The following SBNO2 variants were observed in gnomAD, a reference collection of about 807,000 sequenced individuals.
The protein encoded by SBNO2 is strawberry notch homolog 2.
Under a neutral mutation model 146.3 loss-of-function variants are expected in SBNO2, and 89 were observed. The observed-to-expected ratio is 0.61, with a 90% confidence interval of 0.51 to 0.73. The LOEUF (loss-of-function observed/expected upper bound fraction) is 0.73. Among genes scored for constraint, SBNO2 ranks in the 30% least tolerant of loss-of-function variants. SBNO2 has a pLI of 0.00. For missense variants in SBNO2, 2,092 were observed against 2,003.7 expected (o/e 1.04, Z -0.84); for synonymous variants, 1,147 against 892.6 (o/e 1.29, Z -5.08).
At position 1,120,015 on chromosome 19, in the gene SBNO2, G is replaced by C. The variant is rs750621672; in HGVS notation, c.1158C>G (p.Phe386Leu). The change falls in exon 12 of 32, where the codon TTC becomes TTG. Residue 386 changes from phenylalanine to leucine, a missense_variant. By Grantham distance (22) the Phe-to-Leu change is conservative. Coordinates refer to ENST00000361757, the MANE Select transcript of SBNO2 (RefSeq NM_014963.3). ...CATTCTTGGCTTTGTGACACTCGTC[G>C]AACACGATCTGAGGCACACGTGGGT... The part of the protein sequence containing the change: ...CGEAFEGVIV[F>L]DECHKAKNAG... 2 of 1,550,910 alleles carry C rather than the reference G, an allele frequency of 1.3e-6. No individual in the cohort carries two copies. Among genetic ancestry groups the C allele is most frequent in the African/African-American group, 2.7e-5 (2 of 73,060 alleles).
chr19:1,120,149 G>C (rs1420477895), intron 11 of SBNO2, 126 bp from the exon 12 acceptor site: 3 of 744,108 alleles, frequency 4.0e-6, no homozygotes, highest in Non-Finnish European at 2.2e-6. Flanking sequence ...AGAACTCCAC[G>C]AGGGAAGCCC....
chr19:1,127,734 A>G lies in SBNO2; in HGVS notation c.311T>C (p.Ile104Thr). ...GTCCACGGACGAGGAGAAGATGGAG[A>G]TGTTGGAGAAGTCCTCAAAATAGGA... The part of the protein sequence containing the change: ...DSSYFEDFSN[I>T]SIFSSSVDSL... Residue 104 changes from isoleucine to threonine, a missense_variant, in exon 5 of 32, where the codon ATC (isoleucine) becomes ACC (threonine). Transcript: ENST00000361757. 6.2e-7 allele frequency: 1 copy of G among 1,613,544 alleles called. No homozygotes were observed. The highest frequency in any genetic ancestry group is 8.5e-7 in the Non-Finnish European group (1 of 1,179,824).
rs983361055 is a variant in SBNO2 at position 1,150,519 on chromosome 19, C to T, written c.94-1077G>A. Among the ~76,000 whole-genome samples, 52 of 151,432 alleles carry T rather than the reference C, an allele frequency of 3.4e-4. No individual in the cohort carries two copies. Among genetic ancestry groups the T allele is most frequent in the African/African-American group, 6.6e-4 (27 of 41,200 alleles). ...ACGGGGGAGACCCTGCCGTCACGGA[C>T]GCCCCCACGGTCACGGGGGAGACCC... On this transcript the variant is annotated intron_variant, in intron 2 of 31. Coordinates refer to ENST00000361757, the MANE Select transcript of SBNO2 (RefSeq NM_014963.3). The surrounding 1 kb of genome is among the most constrained non-coding windows in gnomAD (Gnocchi z 6.2).
intron 1 of SBNO2, among the ~76,000 whole-genome samples, chr19:1,161,693 C>G (rs2080346673): frequency 6.6e-6 from 1 of 151,972 alleles, no homozygotes; most frequent in Non-Finnish European, 1.5e-5. Flanking sequence ...ACTACGCTTT[C>G]TACCTCTCCT....
chr19:1,166,138 CCCCAGACCCCAGAT>C (rs1269391988), intron 1 of SBNO2, among the ~76,000 whole-genome samples: 1 of 62,888 alleles, frequency 1.6e-5, no homozygotes, highest in Non-Finnish European at 3.4e-5. Flanking sequence ...GACTTCAGAT[CCCCAGACCCCAGAT>C]CCCAGACTTC....
rs768446347 is a variant in SBNO2, at chr19:1,117,468, G to A, written c.1559C>T (p.Ala520Val). Residue 520 changes from alanine to valine, a missense_variant, in exon 15 of 32, where the codon GCG (alanine) becomes GTG (valine). Ala to Val is a moderately conservative substitution (Grantham distance 64). Coordinates refer to ENST00000361757, the MANE Select transcript of SBNO2 (RefSeq NM_014963.3). Reference sequence around the variant, plus strand: ...CGACTCCAGGCCGATCCAGTCGGCCGCCTGCTGGAACACGTTCAGGGCCTC... The same window carrying A: ...CGACTCCAGGCCGATCCAGTCGGCCACCTGCTGGAACACGTTCAGGGCCTC... ...WAEALNVFQQ[A>V]ADWIGLESRK... The A allele has an allele frequency of 1.6e-5, 26 of 1,587,794 alleles. No individual in the cohort carries two copies. The East Asian group carries it at 1.9e-4, about 11-fold the overall frequency.
Position 1,119,115 on chromosome 19 carries a change from T to C in SBNO2, c.1423A>G (p.Met475Val), listed in dbSNP as rs1431115042. 1 of 1,604,862 alleles carries C rather than the reference T, an allele frequency of 6.2e-7. No individual in the cohort carries two copies. Among genetic ancestry groups the C allele is most frequent in the East Asian group, 2.2e-5 (1 of 44,480 alleles). ...AAGCTGAGCTGGCGTGCGATGTACA[T>C]GCCGCTGACCTTCATGTCCATGGCC... ...IVAMDMKVSGMYIARQLSFSG... is the reference protein window; with the variant it reads ...IVAMDMKVSGVYIARQLSFSG... The change falls in exon 14 of 32, where the codon ATG (methionine) becomes GTG (valine). Residue 475 changes from methionine (M) to valine (V), a missense_variant. By Grantham distance (21) the Met-to-Val change is conservative. Coordinates refer to ENST00000361757, the MANE Select transcript of SBNO2 (RefSeq NM_014963.3).
rs761320952 is a variant in SBNO2, at chr19:1,112,426, C to G, written c.2491G>C (p.Ala831Pro). ...VHMTLELPWSADRAIQQFGRT... is the reference protein window; with the variant it reads ...VHMTLELPWSPDRAIQQFGRT... ...CCGAACTGCTGGATGGCGCGGTCGG[C>G]GCTCCACGGCAGCTCCAAGGTCATG... The change falls in exon 21 of 32, where the codon GCC (alanine) becomes CCC (proline). Residue 831 changes from alanine (A) to proline (P), a missense_variant. Coordinates refer to ENST00000361757, the MANE Select transcript of SBNO2 (RefSeq NM_014963.3). The surrounding 1 kb of genome is among the most constrained non-coding windows in gnomAD (Gnocchi z 5.9). The G allele has an allele frequency of 1.9e-6, 3 of 1,605,320 alleles. No homozygotes were observed. The highest frequency in any genetic ancestry group is 1.1e-5 in the South Asian group (1 of 90,654).
At chr19:1,119,305 G>C in intron 13 of SBNO2, 141 bp from the exon 14 acceptor site, 1 of 1,114,748 alleles carries the variant, frequency 9.0e-7, no homozygotes, top group Non-Finnish European at 1.3e-6. Flanking sequence ...GTTGGCAGCT[G>C]AGCCTGGCGG....
At chr19:1,145,531 C>T (rs1019738555) in intron 4 of SBNO2, among the ~76,000 whole-genome samples, 8 of 150,588 alleles carry the variant, frequency 5.3e-5, no homozygotes, top group Admixed American at 3.3e-4. Context: ...CAGAAAGAGG[C>T]AGAGAAGGGG....
rs1372981561 is a variant in SBNO2, at chr19:1,132,172, G to A, written c.280-4407C>T. 2.4e-5 allele frequency: 34 copies of A among 1,438,266 alleles called. No individual in the cohort carries two copies. The Admixed American group carries it at 7.1e-4, about 30-fold the overall frequency. The allele number at this position is 1,438,266 out of a possible 1,614,324, so 89.1% of individuals were successfully genotyped here. A position where few individuals can be genotyped will look rare whatever the true frequency, so the allele number is the denominator to read the frequency against. ...CGGGGGGCCAGGGGTCCCCCAGGAA[G>A]CGCTGCCCGGGAGCGGCTCCCTCAT... On this transcript the variant is annotated intron_variant, in intron 4 of 31. Transcript: ENST00000361757.
At chr19:1,124,304 C>T (rs73918330) in intron 5 of SBNO2, among the ~76,000 whole-genome samples, 9 of 152,112 alleles carry the variant, frequency 5.9e-5, no homozygotes, top group Non-Finnish European at 7.4e-5. Context: ...CTGGAGTGCC[C>T]GGGAGGAAGG....
chr19:1,148,380 G>GCA (rs2080214171), intron 3 of SBNO2, among the ~76,000 whole-genome samples: 1 of 151,908 alleles, frequency 6.6e-6, no homozygotes, highest in Non-Finnish European at 1.5e-5. Flanking sequence ...CAAGCCCTTT[G>GCA]CACAGCCTGC....
intron 2 of SBNO2, among the ~76,000 whole-genome samples, chr19:1,151,951 T>C (rs2080246321): frequency 1.3e-5 from 2 of 152,148 alleles, no homozygotes; most frequent in African/African-American, 2.4e-5. Flanking sequence ...GCGTGAACCA[T>C]TGTGCTGGCC....
At chr19:1,147,283 G>A (rs2080199724) in intron 4 of SBNO2, 26 bp downstream of exon 4, 2 of 1,487,932 alleles carry the variant, frequency 1.3e-6, no homozygotes, top group Non-Finnish European at 1.8e-6. Flanking sequence ...GCCCCCCACG[G>A]CGCGGTGAGC....
In SBNO2 at chr19:1,108,470, G is replaced by A. The variant is rs2079702115; in HGVS notation, c.3851C>T (p.Ala1284Val). Residue 1284 changes from alanine to valine, a missense_variant, in exon 32 of 32, where the codon GCC (alanine) becomes GTC (valine). Transcript: ENST00000361757. ...FSFPAPLSLD[A>V]GPGVVPLGTP... ...GCCCAGCGGCACGACGCCGGGGCCGGCGTCCAGGGACAGCGGCGCCGGGAA... is the reference window on the plus strand; with the variant it reads ...GCCCAGCGGCACGACGCCGGGGCCGACGTCCAGGGACAGCGGCGCCGGGAA... The A allele has an allele frequency of 1.6e-6, 2 of 1,226,364 alleles. No individual in the cohort carries two copies. The highest frequency in any genetic ancestry group is 1.6e-5 in the African/African-American group (1 of 61,632). The allele number at this position is 1,226,364 out of a possible 1,614,324, so 76.0% of individuals were successfully genotyped here.
intron 16 of SBNO2, among the ~76,000 whole-genome samples, chr19:1,116,407 G>A (rs1214284627): frequency 6.6e-6 from 1 of 150,940 alleles, no homozygotes; most frequent in East Asian, 1.9e-4. Context: ...GTAGCTGGGG[G>A]CATTGGGGAG....
chr19:1,154,570 G>A (rs188821955), intron 1 of SBNO2, among the ~76,000 whole-genome samples, 168 bp from the exon 2 acceptor site: 135 of 149,888 alleles, frequency 9.0e-4, no homozygotes, highest in African/African-American at 3.1e-3. Flanking sequence ...ACCCCCACCC[G>A]CCATCAGCAG....
rs541147464 is a variant in SBNO2 at position 1,124,206 on chromosome 19, C to G, written c.442-184G>C. On this transcript the variant is annotated intron_variant, in intron 5 of 31. Transcript: ENST00000361757. The stretch of plus-strand genomic sequence containing the variant: ...AGGGTGACCCTGGTGCCTCCCAAGC[C>G]TCCCCAGTGGGCACCTCCCTGGGGC... The G allele has an allele frequency of 2.3e-5, 15 of 640,836 alleles. No homozygotes were observed. The South Asian group carries it at 2.4e-4, about 10-fold the overall frequency. The allele number at this position is 640,836 out of a possible 1,614,324, so 39.7% of individuals were successfully genotyped here.
Sources: gnomAD v4.1 joint callset for allele counts (sites outside exome capture counted in the v4.1 genomes callset) on GRCh38, gnomAD v4.1.1 for gene constraint, Gnocchi (gnomAD v3.1) non-coding constraint, MANE v1.5 for transcripts, NCBI Gene and HGNC (gene_info 2026-07-23, HGNC 2026-07-21) for gene names.